The following PNPT1 variants were observed in gnomAD, a reference collection of about 807,000 sequenced individuals.
The protein encoded by PNPT1 is polyribonucleotide nucleotidyltransferase 1, mitochondrial.
Under a neutral mutation model 119.5 loss-of-function variants are expected in PNPT1, and 53 were observed. That is an observed-to-expected ratio of 0.44 (90% CI 0.36 to 0.56). The LOEUF (loss-of-function observed/expected upper bound fraction) is 0.56. Among genes scored for constraint, PNPT1 ranks in the 20% least tolerant of loss-of-function variants. PNPT1 has a pLI of 0.00. For synonymous variants in PNPT1, 357 were observed against 322.1 expected, an observed-to-expected ratio of 1.11 and a Z score of -1.16; for missense variants, 948 against 938.5, an observed-to-expected ratio of 1.01 and a Z score of -0.13.
intron 18 of PNPT1, among the ~76,000 whole-genome samples, chr2:55,650,214 T>A (rs1276230631): frequency 6.6e-6 from 1 of 152,164 alleles, no homozygotes; most frequent in Non-Finnish European, 1.5e-5. Flanking sequence ...TTCCCTCTGA[T>A]GCCGAGCTGA....
chr2:55,685,453 A>G (rs905179469), intron 3 of PNPT1, among the ~76,000 whole-genome samples: 1 of 152,148 alleles, frequency 6.6e-6, no homozygotes, highest in African/African-American at 2.4e-5. Flanking sequence ...GCTTAAGCCC[A>G]GGAGTTTGAG....
intron 2 of PNPT1, among the ~76,000 whole-genome samples, chr2:55,686,653 C>A (rs1697414243): frequency 6.6e-6 from 1 of 152,176 alleles, no homozygotes; most frequent in South Asian, 2.1e-4. Context: ...GAAAGATTAA[C>A]AGGTAATTTA....
rs770563003 is a variant in PNPT1 at position 55,636,249 on chromosome 2, A to T, written c.2340T>A (p.Ser780=). 2 of 1,607,562 alleles carry T rather than the reference A, an allele frequency of 1.2e-6. No individual in the cohort carries two copies. Among genetic ancestry groups the T allele is most frequent in the South Asian group, 1.1e-5 (1 of 89,368 alleles). ...VMGEPISQSS[S]NSQ Reference sequence around the variant, plus strand: ...TTAAAAAAAAAAATCACTGAGAATTAGATGATGACTGTGAAATAGGTTCTC... The same window carrying T: ...TTAAAAAAAAAAATCACTGAGAATTTGATGATGACTGTGAAATAGGTTCTC... The change falls in exon 28 of 28, where the codon TCT becomes TCA. Residue 780 remains serine, a synonymous_variant. Transcript: ENST00000447944.
At position 55,643,228 on chromosome 2, in the gene PNPT1, T is replaced by C. The variant is rs1374820737; in HGVS notation, c.2014-15A>G. On this transcript the variant is annotated splice_polypyrimidine_tract_variant and intron_variant, in intron 24 of 27. Coordinates refer to ENST00000447944, the MANE Select transcript of PNPT1 (RefSeq NM_033109.5). ...TGCTGCTCCTGCTGTAAGTGCAAAA[T>C]AAGCCATAAGATTCATAAAGAAAAC... is the stretch of plus-strand genomic sequence containing the variant. The C allele has an allele frequency of 6.2e-7, 1 of 1,614,116 alleles. No homozygotes were observed. Among genetic ancestry groups the C allele is most frequent in the South Asian group, 1.1e-5 (1 of 91,078 alleles).
chr2:55,653,594 G>T lies in PNPT1; in HGVS notation c.1495+1306C>A, dbSNP rs114715805. Among the ~76,000 whole-genome samples the T allele has an allele frequency of 8.6e-3, 1,310 of 152,308 alleles. 10 individuals are homozygous for T. The highest frequency in any genetic ancestry group is 0.012 in the Non-Finnish European group (824 of 68,026). On this transcript the variant is annotated intron_variant, in intron 18 of 27. Transcript: ENST00000447944. ...ACTTAGATCAGTGCTTGGCACATAG[G>T]TGCCACAAAGTAAAGATTTGTAGAG...
intron 25 of PNPT1, among the ~76,000 whole-genome samples, chr2:55,642,582 G>C (rs1488097150): frequency 4.2e-5 from 6 of 143,244 alleles, no homozygotes; most frequent in Non-Finnish European, 6.0e-5. Context: ...CTCCAGCCTG[G>C]GTGACAGAGC....
Position 55,668,295 on chromosome 2 carries a change from G to A in PNPT1, c.977-337C>T, listed in dbSNP as rs1049100183. 7.2e-5 allele frequency among the ~76,000 whole-genome samples: 11 copies of A among 152,248 alleles called. No homozygotes were observed. The South Asian group carries it at 1.2e-3, about 17-fold the overall frequency. Reference sequence around the variant, plus strand: ...TCTGTTGTCCAGGCTGGAGTGCAACGCCGCAATCTTGGCTCACTGCAACCT... The same window carrying A: ...TCTGTTGTCCAGGCTGGAGTGCAACACCGCAATCTTGGCTCACTGCAACCT... On this transcript the variant is annotated intron_variant, in intron 11 of 27. Coordinates refer to ENST00000447944, the MANE Select transcript of PNPT1 (RefSeq NM_033109.5).
intron 1 of PNPT1, among the ~76,000 whole-genome samples, chr2:55,687,993 A>ATT (rs139811313): frequency 2.8e-5 from 4 of 145,016 alleles, no homozygotes; most frequent in East Asian, 2.0e-4. Context: ...TGTACCATCT[A>ATT]TTTTTTTTTT....
At chr2:55,646,515 G>C in intron 19 of PNPT1, 29 bp from the exon 20 acceptor site, 2 of 1,557,414 alleles carry the variant, frequency 1.3e-6, no homozygotes, top group Non-Finnish European at 1.7e-6. Context: ...TTATGACATA[G>C]TTTTAAACAA....
In PNPT1 at chr2:55,672,007, G is replaced by A. The variant is rs149239772; in HGVS notation, c.906C>T (p.Tyr302=). 5.5e-4 allele frequency: 874 copies of A among 1,601,186 alleles called. 3 individuals carry two copies. The African/African-American group carries it at 9.7e-3, about 18-fold the overall frequency. ...MERLYAVFTD[Y]EHDKVSRDEA... Reference sequence around the variant, plus strand: ...CAGGTATACCTACTTTGTCATGCTCGTAATCTGTAAAAACTGCATAGAGTC... The same window carrying A: ...CAGGTATACCTACTTTGTCATGCTCATAATCTGTAAAAACTGCATAGAGTC... Residue 302 remains tyrosine (Y), a synonymous_variant, in exon 10 of 28, where the codon TAC becomes TAT. Transcript: ENST00000447944.
rs751952453 is a variant in PNPT1 at position 55,679,724 on chromosome 2, T to A, written c.637A>T (p.Thr213Ser). Residue 213 changes from threonine to serine, a missense_variant, in exon 8 of 28, where the codon ACT becomes TCT. Thr to Ser is a moderately conservative substitution (Grantham distance 58). Coordinates refer to ENST00000447944, the MANE Select transcript of PNPT1 (RefSeq NM_033109.5). ...GCTCCAGCAACCACTAAATTTAAAGTACTAGAAGACATTTCTTTTCTTGTT... is the reference window on the plus strand; with the variant it reads ...GCTCCAGCAACCACTAAATTTAAAGAACTAGAAGACATTTCTTTTCTTGTT... ...NPTRKEMSSS[T>S]LNLVVAGAPK... 16 of 1,612,610 alleles carry A rather than the reference T, an allele frequency of 9.9e-6. No homozygotes were observed. The highest frequency in any genetic ancestry group is 1.3e-5 in the Non-Finnish European group (15 of 1,179,236).
chr2:55,667,774 AC>A (rs988617803), intron 12 of PNPT1, 87 bp downstream of exon 12: 2 of 1,503,228 alleles, frequency 1.3e-6, no homozygotes, highest in African/African-American at 2.8e-5. Context: ...TTGAAAAAAA[AC>A]AAACTTTCTT....
intron 18 of PNPT1, among the ~76,000 whole-genome samples, chr2:55,651,083 C>G (rs1298159829): frequency 2.2e-5 from 3 of 137,288 alleles, no homozygotes; most frequent in Non-Finnish European, 4.8e-5. Context: ...GGGGGGTCAG[C>G]CCCCCCGCCC....
rs200944866 is a variant in PNPT1 at position 55,645,391 on chromosome 2, A to C, written c.1780T>G (p.Ser594Ala). 5.6e-5 allele frequency: 91 copies of C among 1,612,550 alleles called. No homozygotes were observed. In the East Asian group the frequency reaches 1.8e-3, roughly 32 times the overall value. ...TCTTTTCTAGATGCTCGAGGTTTTG[A>C]AATAGTTTTGTTCATGATCTGTAAT... ...EILQIMNKTISKPRASRKENG... is the reference protein window; with the variant it reads ...EILQIMNKTIAKPRASRKENG... Residue 594 changes from serine (S) to alanine (A), a missense_variant, in exon 22 of 28, where the codon TCA becomes GCA. Transcript: ENST00000447944.
At chr2:55,640,807 A>G in intron 25 of PNPT1, 102 bp from the exon 26 acceptor site, 1 of 764,122 alleles carries the variant, frequency 1.3e-6, no homozygotes, top group Non-Finnish European at 2.1e-6. Context: ...TAAAAAACGA[A>G]AAGAAACAAT....
In PNPT1 at chr2:55,634,993, G is replaced by GACCT. The variant is rs1000557587; in HGVS notation, c.*1240_*1243dup. 2.4e-4 allele frequency: 37 copies of GACCT among 152,222 alleles called. No individual in the cohort carries two copies. The highest frequency in any genetic ancestry group is 8.4e-4 in the African/African-American group (35 of 41,540). 9.4% of individuals were successfully genotyped at this position (152,222 alleles called of 1,614,324 possible). A position where few individuals can be genotyped will look rare whatever the true frequency, so the allele number is the denominator to read the frequency against. ...CAGTGTCGAACTTCTGGGCTCTAGT[G>GACCT]ACCTTCCCACTTCAGCCTTCCAAGT... On this transcript the variant is annotated 3_prime_UTR_variant, in exon 28 of 28. Coordinates refer to ENST00000447944, the MANE Select transcript of PNPT1 (RefSeq NM_033109.5).
chr2:55,651,054 C>T (rs1448812452), intron 18 of PNPT1, among the ~76,000 whole-genome samples: 4 of 148,452 alleles, frequency 2.7e-5, no homozygotes, highest in Middle Eastern at 3.2e-3. Context: ...GGCCGGCCGC[C>T]CCGTCCAGGA....
chr2:55,639,443 G>A (rs1322878403), intron 26 of PNPT1, among the ~76,000 whole-genome samples: 1 of 152,136 alleles, frequency 6.6e-6, no homozygotes, highest in East Asian at 1.9e-4. Context: ...AACAGTGTAT[G>A]AAAATGTCCA....
At chr2:55,647,484 A>C in intron 18 of PNPT1, 31 bp from the exon 19 acceptor site, 1 of 1,523,408 alleles carries the variant, frequency 6.6e-7, no homozygotes. Context: ...AACTGTGGGT[A>C]ATGTGTACAT....
Sources: gnomAD v4.1 joint callset for allele counts (sites outside exome capture counted in the v4.1 genomes callset) on GRCh38, gnomAD v4.1.1 for gene constraint, MANE v1.5 for transcripts, NCBI Gene and HGNC (gene_info 2026-07-23, HGNC 2026-07-21) for gene names.